ZER1: variants seen among roughly 807,000 people sequenced by gnomAD.
ZER1 encodes the protein protein zer-1 homolog.
In ZER1, 11 loss-of-function variants were observed where a neutral mutation model predicts 78.8. The observed-to-expected ratio is 0.14, with a 90% CI of 0.09 to 0.23. The LOEUF (loss-of-function observed/expected upper bound fraction) is 0.23, where lower values mean the gene tolerates loss of function less well. ZER1 is among the 10% of genes least tolerant of loss of function. The pLI, the probability that ZER1 is intolerant of heterozygous loss-of-function variation, is 1.00. For missense variants in ZER1, 588 were observed against 996.9 expected, an observed-to-expected ratio of 0.59 and a Z score of 5.52; for synonymous variants, 400 against 407.0, an observed-to-expected ratio of 0.98 and a Z score of 0.21.
intron 14 of ZER1, among the ~76,000 whole-genome samples, chr9:128,734,679 A>G (rs1291718250): frequency 6.6e-6 from 1 of 152,072 alleles, no homozygotes; most frequent in East Asian, 1.9e-4. Context: ...CAGTGAAACC[A>G]GTGGCTCCTA....
In ZER1 at chr9:128,754,187, C is replaced by T. The variant is rs1053242826; in HGVS notation, c.159-228G>A. On this transcript the variant is annotated intron_variant, in intron 2 of 15. Coordinates refer to ENST00000291900, the MANE Select transcript of ZER1 (RefSeq NM_006336.4). The surrounding 1 kb of genome is among the most constrained non-coding windows in gnomAD (Gnocchi z 4.3). ...TGGGAGACCTTCTAGGTGATGCAGG[C>T]GCCATCTCTCCCAGTGCACATGCCT... 2.6e-5 allele frequency among the ~76,000 whole-genome samples: 4 copies of T among 152,164 alleles called. No homozygotes were observed. Among genetic ancestry groups the T allele is most frequent in the African/African-American group, 7.2e-5 (3 of 41,434 alleles).
At chr9:128,737,447 G>A (rs897027334) in intron 13 of ZER1, among the ~76,000 whole-genome samples, 6 of 152,152 alleles carry the variant, frequency 3.9e-5, no homozygotes, top group East Asian at 1.9e-4. Context: ...ATGTCAGCCT[G>A]TTCCTCCCAG....
In ZER1 at chr9:128,731,097, G is replaced by C. The variant is rs764536455; in HGVS notation, c.*240C>G. ...GCAAGGACTCAGGAGTGTTGCTTTTGTTTTTGCACAGAAATCATACACACA... is the reference window on the plus strand; with the variant it reads ...GCAAGGACTCAGGAGTGTTGCTTTTCTTTTTGCACAGAAATCATACACACA... On this transcript the variant is annotated 3_prime_UTR_variant, in exon 16 of 16. Transcript: ENST00000291900. The C allele has an allele frequency of 5.1e-6, 1 of 194,674 alleles. No individual in the cohort carries two copies. The highest frequency in any genetic ancestry group is 1.0e-5 in the Non-Finnish European group (1 of 98,698). The allele number at this position is 194,674 out of a possible 1,614,324, so 12.1% of individuals were successfully genotyped here.
At chr9:128,742,773 C>T in intron 8 of ZER1, 28 bp from the exon 9 acceptor site, 1 of 1,574,400 alleles carries the variant, frequency 6.4e-7, no homozygotes, top group Middle Eastern at 1.7e-4. Flanking sequence ...ACAAGTGGGG[C>T]ACATTCAGGG....
intron 1 of ZER1, among the ~76,000 whole-genome samples, chr9:128,767,497 CAGCCT>C (rs1428846153): frequency 1.3e-5 from 2 of 152,260 alleles, no homozygotes; most frequent in African/African-American, 4.8e-5. Context: ...ACGCCCACCT[CAGCCT>C]CCCAAAGTGC....
At chr9:128,762,393 G>C (rs1323325797) in intron 1 of ZER1, among the ~76,000 whole-genome samples, 1 of 152,232 alleles carries the variant, frequency 6.6e-6, no homozygotes, top group Non-Finnish European at 1.5e-5. Context: ...TGGCACCACT[G>C]TCTACTGGGG....
Position 128,771,817 on chromosome 9 carries a change from T to G in ZER1, c.-331A>C, listed in dbSNP as rs1300615291. ...GACGGGGACCCCGTGGCGGTTACCT[T>G]GCCCTTAGGGCTGCCGGCGGGGCTG... is the stretch of plus-strand genomic sequence containing the variant. On this transcript the variant is annotated 5_prime_UTR_variant, in exon 1 of 16. Coordinates refer to ENST00000291900, the MANE Select transcript of ZER1 (RefSeq NM_006336.4). The G allele has an allele frequency of 6.6e-6, 1 of 152,118 alleles. No homozygotes were observed. The highest frequency in any genetic ancestry group is 2.4e-5 in the African/African-American group (1 of 41,418). 9.4% of individuals were successfully genotyped at this position (152,118 alleles called of 1,614,324 possible).
chr9:128,742,667 C>T lies in ZER1; in HGVS notation c.1438G>A (p.Glu480Lys), dbSNP rs1264917038. 1.9e-6 allele frequency: 3 copies of T among 1,614,210 alleles called. No individual in the cohort carries two copies. The highest frequency in any genetic ancestry group is 1.1e-5 in the South Asian group (1 of 91,088). ...GGGTTGAGGATGCTGAGCAGGAGCT[C>T]GTTGACCCGGCGGTACTGGAATTCC... ...ELEFQYRRVN[E>K]LLLSILNPTR... The change falls in exon 9 of 16, where the codon GAG (glutamate) becomes AAG (lysine). Residue 480 changes from glutamate (E) to lysine (K), a missense_variant. Coordinates refer to ENST00000291900, the MANE Select transcript of ZER1 (RefSeq NM_006336.4).
chr9:128,750,589 G>A (rs1863642325), intron 8 of ZER1, 27 bp downstream of exon 8: 1 of 1,610,012 alleles, frequency 6.2e-7, no homozygotes, highest in Admixed American at 1.7e-5. Context: ...GCCAGAGCAT[G>A]CGGGGCCGTG....
chr9:128,759,384 T>G (rs1039483058), intron 1 of ZER1, among the ~76,000 whole-genome samples: 15 of 150,596 alleles, frequency 1.0e-4, no homozygotes, highest in Non-Finnish European at 1.6e-4. Context: ...ATCATGTTGC[T>G]CAGGCTGGTC....
chr9:128,754,044 C>T lies in ZER1; in HGVS notation c.159-85G>A. 1 of 1,498,244 alleles carries T rather than the reference C, an allele frequency of 6.7e-7. No individual in the cohort carries two copies. The highest frequency in any genetic ancestry group is 9.0e-7 in the Non-Finnish European group (1 of 1,114,494). 92.8% of individuals were successfully genotyped at this position (1,498,244 alleles called of 1,614,324 possible). On this transcript the variant is annotated intron_variant, in intron 2 of 15. Coordinates refer to ENST00000291900, the MANE Select transcript of ZER1 (RefSeq NM_006336.4). The surrounding 1 kb of genome is among the most constrained non-coding windows in gnomAD (Gnocchi z 4.3). The stretch of plus-strand genomic sequence containing the variant: ...AAGCCAAGCCCTCCTCCCCCTGAAG[C>T]TTTCTTGGATCACCCCAAGTAGCAA...
At chr9:128,743,488 C>G (rs760868350) in intron 8 of ZER1, among the ~76,000 whole-genome samples, 20 of 152,066 alleles carry the variant, frequency 1.3e-4, no homozygotes, top group Non-Finnish European at 2.4e-4. Context: ...GTGGCACCAT[C>G]ATGGCTCACT....
chr9:128,743,569 G>T (rs1373932072), intron 8 of ZER1, among the ~76,000 whole-genome samples: 1 of 150,854 alleles, frequency 6.6e-6, no homozygotes. Context: ...CTACAGCTGT[G>T]TGCCACCATA....
Position 128,730,387 on chromosome 9 carries a change from G to T in ZER1, c.*950C>A. 1 of 154,324 alleles carries T rather than the reference G, an allele frequency of 6.5e-6. No individual in the cohort carries two copies. The highest frequency in any genetic ancestry group is 1.4e-5 in the Non-Finnish European group (1 of 69,158). 9.6% of individuals were successfully genotyped at this position (154,324 alleles called of 1,614,324 possible). A position where few individuals can be genotyped will look rare whatever the true frequency, so the allele number is the denominator to read the frequency against. ...GGGACCTCTGCCTCTGAGAGGCGTG[G>T]GGTCCTCTGGGCAGCGGGGCAGGCT... On this transcript the variant is annotated 3_prime_UTR_variant, in exon 16 of 16. Coordinates refer to ENST00000291900, the MANE Select transcript of ZER1 (RefSeq NM_006336.4).
At chr9:128,759,486 T>TA (rs1012582376) in intron 1 of ZER1, among the ~76,000 whole-genome samples, 3 of 151,448 alleles carry the variant, frequency 2.0e-5, no homozygotes, top group Non-Finnish European at 4.4e-5. Flanking sequence ...CCGAATATTG[T>TA]AATTGAATAG....
rs1320177337 is a variant in ZER1 at position 128,754,541 on chromosome 9, T to C, written c.159-582A>G. On this transcript the variant is annotated intron_variant, in intron 2 of 15. Coordinates refer to ENST00000291900, the MANE Select transcript of ZER1 (RefSeq NM_006336.4). The surrounding 1 kb of genome is among the most constrained non-coding windows in gnomAD (Gnocchi z 4.3). ...AGTTTCTTCATCTGTAAAGTGGATA[T>C]AACTATGGCCTGCAAAGTGTCCAAC... 6.6e-6 allele frequency among the ~76,000 whole-genome samples: 1 copy of C among 152,134 alleles called. No homozygotes were observed. Among genetic ancestry groups the C allele is most frequent in the Admixed American group, 6.6e-5 (1 of 15,250 alleles).
chr9:128,734,117 A>G (rs1448891520), intron 14 of ZER1, among the ~76,000 whole-genome samples: 1 of 49,936 alleles, frequency 2.0e-5, no homozygotes. Context: ...GACAGAGCAA[A>G]ACTCCGTCTC....
rs933964851 is a variant in ZER1 at position 128,732,529 on chromosome 9, C to T, written c.2243+897G>A. 3.3e-5 allele frequency among the ~76,000 whole-genome samples: 5 copies of T among 152,116 alleles called. No individual in the cohort carries two copies. The highest frequency in any genetic ancestry group is 5.9e-5 in the Non-Finnish European group (4 of 68,030). ...GGATTACAGGCACGTACCACCACGC[C>T]GAGCTAATTTTTGTATTTTTAGTAG... is the stretch of plus-strand genomic sequence containing the variant. On this transcript the variant is annotated intron_variant, in intron 15 of 15. Transcript: ENST00000291900. The surrounding 1 kb of genome is among the most constrained non-coding windows in gnomAD (Gnocchi z 4.8).
rs1589534126 is a variant in ZER1, at chr9:128,752,732, G to A, written c.864C>T (p.Gly288=). ...LGNLMSLDIS[G]HMILENCSIS... The stretch of plus-strand genomic sequence containing the variant: ...TGCTGCAGTTCTCTAGGATCATGTG[G>A]CCAGAGATGTCCAGGGACATTAGGT... Residue 288 remains glycine, a synonymous_variant, in exon 5 of 16, where the codon GGC becomes GGT. Coordinates refer to ENST00000291900, the MANE Select transcript of ZER1 (RefSeq NM_006336.4). 3 of 1,614,174 alleles carry A rather than the reference G, an allele frequency of 1.9e-6. No individual in the cohort carries two copies. Among genetic ancestry groups the A allele is most frequent in the East Asian group, 2.2e-5 (1 of 44,888 alleles).
Sources: allele counts gnomAD v4.1 joint callset (sites outside exome capture counted in the v4.1 genomes callset), GRCh38; gene constraint gnomAD v4.1.1; non-coding constraint Gnocchi (gnomAD v3.1); transcripts MANE v1.5; gene names NCBI Gene and HGNC (gene_info 2026-07-23, HGNC 2026-07-21).